The following COL6A2 variants were observed in gnomAD, a reference collection of about 807,000 sequenced individuals.
COL6A2 encodes the protein collagen alpha-2(VI) chain.
In COL6A2, 90 loss-of-function variants were observed where a neutral mutation model predicts 124.9. The ratio of observed to expected loss-of-function variants is 0.72; its 90% CI spans 0.61 to 0.86. COL6A2 has a LOEUF of 0.86. COL6A2 is among the 40% of genes least tolerant of loss of function. COL6A2 has a pLI of 0.00. For missense variants in COL6A2, 1,607 were observed against 1,502.5 expected (o/e 1.07, Z -1.15); for synonymous variants, 793 against 618.2 (o/e 1.28, Z -4.19).
Position 46,126,239 on chromosome 21 carries a change from T to G in COL6A2, c.2422+2T>G. The G allele has an allele frequency of 6.3e-7, 1 of 1,596,606 alleles. No homozygotes were observed. The highest frequency in any genetic ancestry group is 8.5e-7 in the Non-Finnish European group (1 of 1,177,402). Reference sequence around the variant, plus strand: ...ACATGGAGGACGTCCTCTGCCCGGGTGAGCGTGTGGGCGCGGGGCAGTCGG... The same window carrying G: ...ACATGGAGGACGTCCTCTGCCCGGGGGAGCGTGTGGGCGCGGGGCAGTCGG... On this transcript the variant is annotated splice_donor_variant, in intron 26 of 27. Coordinates refer to ENST00000300527, the MANE Select transcript of COL6A2 (RefSeq NM_001849.4). LOFTEE classifies it high-confidence loss of function.
intron 2 of COL6A2, 45 bp from the exon 3 acceptor site, chr21:46,111,934 C>T (rs1205999997): frequency 2.5e-6 from 4 of 1,571,210 alleles, no homozygotes; most frequent in Non-Finnish European, 2.6e-6. Context: ...GCTCCAACAG[C>T]AGTCCCTCCT....
intron 11 of COL6A2, 54 bp from the exon 12 acceptor site, chr21:46,117,820 T>C: frequency 3.8e-6 from 6 of 1,565,280 alleles, no homozygotes; most frequent in South Asian, 1.2e-5. Flanking sequence ...CCCTGGCTCA[T>C]GGGGAGAACC....
At chr21:46,126,421 G>C (rs1003697534) in intron 26 of COL6A2, 82 bp from the exon 27 acceptor site, 14 of 1,587,236 alleles carry the variant, frequency 8.8e-6, no homozygotes, top group Non-Finnish European at 1.1e-5. Flanking sequence ...CCCTGAGCCT[G>C]TCTAGGCAGA....
At chr21:46,123,349 T>C (rs565601628) in intron 21 of COL6A2, among the ~76,000 whole-genome samples, 15 of 142,540 alleles carry the variant, frequency 1.1e-4, no homozygotes, top group Non-Finnish European at 2.0e-4. Flanking sequence ...TCAGAGTTCC[T>C]ACACACAGCA....
chr21:46,111,519 C>T lies in COL6A2; in HGVS notation c.43C>T (p.Leu15=). The T allele has an allele frequency of 6.2e-7, 1 of 1,613,002 alleles. No homozygotes were observed. Among genetic ancestry groups the T allele is most frequent in the Non-Finnish European group, 8.5e-7 (1 of 1,179,916 alleles). ...TCSVLLLWGI[L]GAIQAQQQEV... The stretch of plus-strand genomic sequence containing the variant: ...CTCCGTGCTCCTGCTCTGGGGAATC[C>T]TGGGGGCCATCCAGGCCCAGCAGCA... The change falls in exon 2 of 28, where the codon CTG becomes TTG. Residue 15 remains leucine (L), a synonymous_variant. Transcript: ENST00000300527.
At position 46,111,554 on chromosome 21, in the gene COL6A2, C is replaced by G. The variant is rs1601215453; in HGVS notation, c.78C>G (p.Ile26Met). 1 of 1,612,810 alleles carries G rather than the reference C, an allele frequency of 6.2e-7. No homozygotes were observed. Among genetic ancestry groups the G allele is most frequent in the Admixed American group, 1.7e-5 (1 of 60,000 alleles). ...GAIQAQQQEVISPDTTERNNN... is the reference protein window; with the variant it reads ...GAIQAQQQEVMSPDTTERNNN... ...TCCAGGCCCAGCAGCAGGAGGTCAT[C>G]TCGCCGGACACTACCGAGAGAAACA... Residue 26 changes from isoleucine to methionine, a missense_variant, in exon 2 of 28, where the codon ATC becomes ATG. Ile to Met is a conservative substitution (Grantham distance 10, BLOSUM62 1). Coordinates refer to ENST00000300527, the MANE Select transcript of COL6A2 (RefSeq NM_001849.4).
At chr21:46,129,623 G>A (rs2078732596) in intron 27 of COL6A2, 1 of 1,429,754 alleles carries the variant, frequency 7.0e-7, no homozygotes, top group Non-Finnish European at 9.1e-7. Context: ...AGTCCTTCCA[G>A]GGGCTCTGGG....
chr21:46,123,920 G>C (rs1038072411), intron 21 of COL6A2, among the ~76,000 whole-genome samples: 1 of 33,654 alleles, frequency 3.0e-5, no homozygotes, highest in Admixed American at 4.0e-4. Flanking sequence ...GGTGGATAGA[G>C]GATGGATGGT....
rs148187245 is a variant in COL6A2, at chr21:46,112,327, A to G, written c.464A>G (p.His155Arg). The change falls in exon 3 of 28, where the codon CAC becomes CGC. Residue 155 changes from histidine (H) to arginine (R), a missense_variant. By Grantham distance (29) the His-to-Arg change is conservative. This residue lies in a region of COL6A2 where 342 missense variants were observed against 381.5 expected (regional missense o/e 0.90). Coordinates refer to ENST00000300527, the MANE Select transcript of COL6A2 (RefSeq NM_001849.4). ...CAGGACCGCAGCAAGGGCACCGTCC[A>G]CTTCGCCGTGGTCATCACCGACGGC... The part of the protein sequence containing the change: ...IRQDRSKGTV[H>R]FAVVITDGHV... 16 of 1,611,196 alleles carry G rather than the reference A, an allele frequency of 9.9e-6. No individual in the cohort carries two copies. In the African/African-American group the frequency reaches 2.1e-4, roughly 22 times the overall value.
intron 27 of COL6A2, chr21:46,129,590 G>C (rs2078731544): frequency 6.9e-7 from 1 of 1,442,554 alleles, no homozygotes; most frequent in African/African-American, 1.4e-5. Context: ...CCAGAGATCT[G>C]GAATCGGGGT....
intron 27 of COL6A2, among the ~76,000 whole-genome samples, chr21:46,126,800 G>A (rs146825755): frequency 2.3e-3 from 345 of 152,272 alleles, no homozygotes; most frequent in African/African-American, 2.7e-3. Context: ...CGCTGTGCTC[G>A]GCATGTGGCC....
In COL6A2 at chr21:46,104,814, C is replaced by T. The variant is rs533690051; in HGVS notation, c.-27-6636C>T. The stretch of plus-strand genomic sequence containing the variant: ...TGATTCATCACATGTAAGGAATCCT[C>T]AATAAAACTATTAGCAGATTTCTGA... On this transcript the variant is annotated intron_variant, in intron 1 of 27. Transcript: ENST00000300527. 2.6e-5 allele frequency among the ~76,000 whole-genome samples: 4 copies of T among 152,278 alleles called. No individual in the cohort carries two copies. The East Asian group carries it at 5.8e-4, about 22-fold the overall frequency.
At position 46,131,982 on chromosome 21, in the gene COL6A2, G is replaced by A. The variant is rs748047522; in HGVS notation, c.2490G>A (p.Arg830=). 2.4e-5 allele frequency: 38 copies of A among 1,609,176 alleles called. No homozygotes were observed. The Admixed American group carries it at 6.0e-4, about 25-fold the overall frequency. Residue 830 remains arginine, a synonymous_variant, in exon 28 of 28, where the codon CGG becomes CGA. Coordinates refer to ENST00000300527, the MANE Select transcript of COL6A2 (RefSeq NM_001849.4). ...TGTCCGTGGCACAGTGCACGCAGCG[G>A]CCCGTGGACATCGTCTTCCTGCTGG... ...TELSVAQCTQ[R]PVDIVFLLDG... is the part of the protein sequence containing the mutation.
intron 27 of COL6A2, among the ~76,000 whole-genome samples, chr21:46,128,280 C>T (rs112248783): frequency 2.4e-3 from 368 of 152,306 alleles, no homozygotes; most frequent in African/African-American, 8.1e-3. Context: ...CTGGCAGAAC[C>T]CCTCCCCTCC....
intron 12 of COL6A2, 84 bp from the exon 13 acceptor site, chr21:46,118,530 C>A: frequency 7.5e-7 from 1 of 1,341,246 alleles, no homozygotes; most frequent in Non-Finnish European, 1.1e-6. Flanking sequence ...CAAGCCCGAC[C>A]GTGGGTCCTG....
intron 5 of COL6A2, among the ~76,000 whole-genome samples, chr21:46,115,388 A>C (rs188953057): frequency 5.0e-4 from 76 of 152,334 alleles, no homozygotes; most frequent in African/African-American, 1.7e-3. Context: ...TAAATAGATG[A>C]ATTTATTTAA....
intron 1 of COL6A2, among the ~76,000 whole-genome samples, chr21:46,102,987 G>A (rs2078303334): frequency 1.3e-5 from 2 of 152,174 alleles, no homozygotes; most frequent in South Asian, 4.1e-4. Context: ...GAAAATTTTG[G>A]GAGGGTTTGG....
At chr21:46,107,709 G>C (rs1307998976) in intron 1 of COL6A2, among the ~76,000 whole-genome samples, 2 of 152,112 alleles carry the variant, frequency 1.3e-5, no homozygotes, top group African/African-American at 4.8e-5. Context: ...ATGATCCCAG[G>C]TCTTTAGACA....
In COL6A2 at chr21:46,116,435, T is replaced by C. The variant is rs2078471423; in HGVS notation, c.927+32T>C. 2 of 1,612,010 alleles carry C rather than the reference T, an allele frequency of 1.2e-6. No individual in the cohort carries two copies. Among genetic ancestry groups the C allele is most frequent in the East Asian group, 4.5e-5 (2 of 44,848 alleles). On this transcript the variant is annotated intron_variant, in intron 8 of 27. Transcript: ENST00000300527. The surrounding 1 kb of genome is among the most constrained non-coding windows in gnomAD (Gnocchi z 4.6). ...CTCTTGCCCTGACAGACCTCAGACC[T>C]GCGCCAGCCTCGGCCCAGACCCACC...
Sources: gnomAD v4.1 joint callset for allele counts (sites outside exome capture counted in the v4.1 genomes callset) on GRCh38, gnomAD v4.1.1 for gene constraint, gnomAD v4.1.1 regional missense constraint, Gnocchi (gnomAD v3.1) non-coding constraint, MANE v1.5 for transcripts, NCBI Gene and HGNC (gene_info 2026-07-23, HGNC 2026-07-21) for gene names.